Variants in SGCZ observed in about 807,000 individuals in gnomAD.
SGCZ encodes sarcoglycan zeta.
A neutral mutation model predicts 41.3 loss-of-function variants in SGCZ; 40 were observed. The ratio of observed to expected loss-of-function variants is 0.97; its 90% confidence interval spans 0.75 to 1.26. SGCZ has a LOEUF of 1.26. Ranked by LOEUF, SGCZ falls within the 50% of genes most tolerant of loss-of-function variation. The probability of loss-of-function intolerance (pLI) is 0.00; values close to 1 mark genes in which losing one functional copy is unlikely to be tolerated. For synonymous variants in SGCZ, 206 were observed against 137.5 expected, an observed-to-expected ratio of 1.50 and a Z score of -3.49; for missense variants, 552 against 369.8, an observed-to-expected ratio of 1.49 and a Z score of -4.04.
chr8:14,928,164 A>T (rs1253719713), intron 1 of SGCZ, among the ~76,000 whole-genome samples: 1 of 152,206 alleles, frequency 6.6e-6, no homozygotes, highest in Non-Finnish European at 1.5e-5. Flanking sequence ...TCTCTTGCTC[A>T]GATTATCTCT....
At chr8:14,623,049 G>A (rs1806335812) in intron 1 of SGCZ, among the ~76,000 whole-genome samples, 1 of 152,084 alleles carries the variant, frequency 6.6e-6, no homozygotes, top group Non-Finnish European at 1.5e-5. Flanking sequence ...TTCTCTCCAG[G>A]AACATACCAA....
chr8:14,240,584 C>T (rs747506714), intron 3 of SGCZ, among the ~76,000 whole-genome samples: 10 of 151,546 alleles, frequency 6.6e-5, no homozygotes, highest in Non-Finnish European at 1.3e-4. Flanking sequence ...AAACGTGTAG[C>T]TCTCAGAGGT....
At chr8:14,164,819 T>C in intron 4 of SGCZ, 117 bp from the exon 5 acceptor site, 4 of 1,262,470 alleles carry the variant, frequency 3.2e-6, no homozygotes, top group Middle Eastern at 2.0e-4. Flanking sequence ...CTCTGCTGTA[T>C]GTTTTGCATC....
chr8:14,551,116 CTT>C (rs75142255), intron 2 of SGCZ, among the ~76,000 whole-genome samples: 38 of 137,498 alleles, frequency 2.8e-4, no homozygotes, highest in Admixed American at 3.0e-4. Flanking sequence ...TATTGTAATT[CTT>C]TTTTTTTTTT....
At chr8:15,224,752 A>G (rs919701587) in intron 1 of SGCZ, among the ~76,000 whole-genome samples, 5 of 152,170 alleles carry the variant, frequency 3.3e-5, no homozygotes, top group African/African-American at 1.2e-4. Flanking sequence ...TATGAGAAAA[A>G]CTAGCCAAAA....
intron 1 of SGCZ, among the ~76,000 whole-genome samples, chr8:15,062,673 G>C (rs1040900580): frequency 6.6e-6 from 1 of 152,156 alleles, no homozygotes; most frequent in African/African-American, 2.4e-5. Context: ...GATTTTAAAA[G>C]AGGAGCATCA....
At chr8:14,288,253 GTTAA>G (rs1204753768) in intron 3 of SGCZ, among the ~76,000 whole-genome samples, 7 of 151,938 alleles carry the variant, frequency 4.6e-5, no homozygotes, top group Non-Finnish European at 1.0e-4. Context: ...GTATTAGCTG[GTTAA>G]TTTTTTATTG....
intron 2 of SGCZ, among the ~76,000 whole-genome samples, chr8:14,527,301 A>AGTTT (rs1349514996): frequency 1.3e-5 from 2 of 151,922 alleles, no homozygotes; most frequent in Admixed American, 6.6e-5. Flanking sequence ...TTTGTTTTTC[A>AGTTT]GTTTGTTTGT....
intron 1 of SGCZ, among the ~76,000 whole-genome samples, chr8:14,873,716 C>A (rs1476517348): frequency 6.6e-6 from 1 of 152,112 alleles, no homozygotes. Flanking sequence ...TGAGTAACCC[C>A]AGCTCCTTCC....
At chr8:14,287,151 T>A (rs1168199575) in intron 3 of SGCZ, among the ~76,000 whole-genome samples, 1 of 151,506 alleles carries the variant, frequency 6.6e-6, no homozygotes, top group Non-Finnish European at 1.5e-5. Context: ...TTTTAAAGCA[T>A]ATTAAATTTT....
At chr8:14,872,313 A>G (rs140426038) in intron 1 of SGCZ, among the ~76,000 whole-genome samples, 3,586 of 152,212 alleles carry the variant, frequency 0.024, 52 homozygotes, top group Middle Eastern at 0.048. Context: ...AACTTAAACT[A>G]TAATTTTTTA....
intron 1 of SGCZ, among the ~76,000 whole-genome samples, chr8:14,923,861 T>C (rs1799665210): frequency 6.6e-6 from 1 of 152,176 alleles, no homozygotes; most frequent in Non-Finnish European, 1.5e-5. Context: ...TAGGGATCCA[T>C]TGAGAACCCC....
chr8:14,477,273 C>G (rs939289715), intron 2 of SGCZ, among the ~76,000 whole-genome samples: 1 of 152,090 alleles, frequency 6.6e-6, no homozygotes, highest in Non-Finnish European at 1.5e-5. Flanking sequence ...GGCAAAACAA[C>G]AACAAAAACC....
chr8:14,280,843 C>T (rs754019338), intron 3 of SGCZ, among the ~76,000 whole-genome samples: 85 of 150,558 alleles, frequency 5.6e-4, no homozygotes, highest in Non-Finnish European at 4.7e-4. Context: ...GGTGGTTTCA[C>T]TGGCCTACTC....
At chr8:15,187,068 G>T (rs550888737) in intron 1 of SGCZ, among the ~76,000 whole-genome samples, 2 of 152,060 alleles carry the variant, frequency 1.3e-5, no homozygotes, top group African/African-American at 4.8e-5. Context: ...CAGCCAACAA[G>T]AAGTTTTAAA....
At chr8:14,296,156 G>T (rs372216178) in intron 3 of SGCZ, among the ~76,000 whole-genome samples, 3 of 152,210 alleles carry the variant, frequency 2.0e-5, no homozygotes, top group South Asian at 4.1e-4. Flanking sequence ...GACTCAACAA[G>T]ATCTATCTGA....
At chr8:15,172,154 G>GTTTTTTTTTTTTTTTTTTT (rs1183210302) in intron 1 of SGCZ, among the ~76,000 whole-genome samples, 2 of 71,774 alleles carry the variant, frequency 2.8e-5, no homozygotes, top group African/African-American at 1.0e-4. Context: ...TTTATACTCT[G>GTTTTTTTTTTTTTTTTTTT]TTTTTTTTTT....
intron 1 of SGCZ, among the ~76,000 whole-genome samples, chr8:15,036,555 A>T (rs1803884624): frequency 6.6e-6 from 1 of 152,144 alleles, no homozygotes; most frequent in African/African-American, 2.4e-5. Context: ...GTGTACCCCG[A>T]ACTTAAAAGT....
chr8:14,812,435 G>C (rs1801764810), intron 1 of SGCZ, among the ~76,000 whole-genome samples: 1 of 152,024 alleles, frequency 6.6e-6, no homozygotes, highest in African/African-American at 2.4e-5. Flanking sequence ...CAGAGTATTT[G>C]TTTGTCAACA....
Sources: allele counts gnomAD v4.1 joint callset (sites outside exome capture counted in the v4.1 genomes callset), GRCh38; gene constraint gnomAD v4.1.1; transcripts MANE v1.5; gene names NCBI Gene and HGNC (gene_info 2026-07-23, HGNC 2026-07-21).